The following RFT1 variants were observed in gnomAD, a reference collection of about 807,000 sequenced individuals.
RFT1 encodes man(5)GlcNAc(2)-PP-dolichol translocation protein RFT1.
A neutral mutation model predicts 62.2 loss-of-function variants in RFT1; 43 were observed. The observed-to-expected ratio is 0.69, with a 90% CI of 0.54 to 0.89. The LOEUF is 0.89. Ranked by LOEUF, RFT1 falls within the 40% of genes least tolerant of loss-of-function variation. The pLI is 0.00. For synonymous variants in RFT1, 262 were observed against 264.6 expected, an observed-to-expected ratio of 0.99 and a Z score of 0.10; for missense variants, 605 against 649.9, an observed-to-expected ratio of 0.93 and a Z score of 0.75.
intron 11 of RFT1, 37 bp from the exon 12 acceptor site, chr3:53,092,655 CTTGCCCTGG>C: frequency 6.3e-7 from 1 of 1,578,372 alleles, no homozygotes; most frequent in Non-Finnish European, 8.6e-7. Context: ...CAGTGGTGAC[CTTGCCCTGG>C]ACAAGGCTGC....
Position 53,110,976 on chromosome 3 carries a change from T to C in RFT1, c.775+854A>G, listed in dbSNP as rs1196917536. Among the ~76,000 whole-genome samples, 3 of 152,310 alleles carry C rather than the reference T, an allele frequency of 2.0e-5. No homozygotes were observed. The South Asian group carries it at 6.2e-4, about 32-fold the overall frequency. The stretch of plus-strand genomic sequence containing the variant: ...GCCCTCCACATTGAGAGCTCTGTCG[T>C]AGGTAAACTGAAAGGACCAAAGTCT... On this transcript the variant is annotated intron_variant, in intron 7 of 12. Coordinates refer to ENST00000296292, the MANE Select transcript of RFT1 (RefSeq NM_052859.4).
the RFT1 span, among the ~76,000 whole-genome samples, chr3:53,076,951 C>CA: frequency 0.032 from 2,878 of 90,152 alleles, 68 homozygotes; most frequent in African/African-American, 0.086. Flanking sequence ...GACCTCATCT[C>CA]AAAAAAAAAA....
intron 10 of RFT1, among the ~76,000 whole-genome samples, chr3:53,102,158 G>A (rs755289096): frequency 2.6e-5 from 4 of 152,160 alleles, no homozygotes; most frequent in African/African-American, 4.8e-5. Context: ...CCATGTGACC[G>A]CAGTACTGCA....
the RFT1 span, among the ~76,000 whole-genome samples, chr3:53,077,262 G>T: frequency 6.6e-6 from 1 of 152,208 alleles, no homozygotes; most frequent in African/African-American, 2.4e-5. Context: ...AGCAGAGCTG[G>T]AACCTACACT....
At chr3:53,102,229 G>A (rs1331073300) in intron 10 of RFT1, among the ~76,000 whole-genome samples, 1 of 152,196 alleles carries the variant, frequency 6.6e-6, no homozygotes, top group Non-Finnish European at 1.5e-5. Flanking sequence ...AGGTAGGAAG[G>A]GGCCTCTCCT....
intron 6 of RFT1, among the ~76,000 whole-genome samples, chr3:53,117,047 G>C (rs1701830329): frequency 6.6e-6 from 1 of 152,232 alleles, no homozygotes; most frequent in South Asian, 2.1e-4. Context: ...TCTAAAGCTA[G>C]TCCCCAGCAA....
chr3:53,093,342 C>T (rs757799658), intron 11 of RFT1, among the ~76,000 whole-genome samples: 1 of 152,200 alleles, frequency 6.6e-6, no homozygotes, highest in Admixed American at 6.5e-5. Context: ...TTGCACTTCT[C>T]TGATTTCAAA....
chr3:53,096,606 C>A (rs1434985314), intron 11 of RFT1, among the ~76,000 whole-genome samples: 1 of 152,006 alleles, frequency 6.6e-6, no homozygotes, highest in African/African-American at 2.4e-5. Context: ...TCACTTGAAC[C>A]TGGGAGGCGG....
chr3:53,073,652 G>C, the RFT1 span, among the ~76,000 whole-genome samples: 1 of 152,318 alleles, frequency 6.6e-6, no homozygotes. Context: ...GCTCTGTGCC[G>C]GGCGAAGAGG....
intron 11 of RFT1, among the ~76,000 whole-genome samples, chr3:53,092,858 A>T (rs1283466307): frequency 3.3e-5 from 5 of 152,240 alleles, no homozygotes; most frequent in Non-Finnish European, 7.3e-5. Context: ...TAGTTAGTTA[A>T]GCGATACTTT....
At chr3:53,102,830 T>G (rs1701356595) in intron 10 of RFT1, among the ~76,000 whole-genome samples, 1 of 152,194 alleles carries the variant, frequency 6.6e-6, no homozygotes, top group Non-Finnish European at 1.5e-5. Context: ...GGCTGAGTCA[T>G]GATAATGATG....
At chr3:53,113,390 TAGGATTTCAG>T (rs71714759) in intron 6 of RFT1, among the ~76,000 whole-genome samples, 39,851 of 151,960 alleles carry the variant, frequency 0.26, 5,572 homozygotes, top group Middle Eastern at 0.39. Context: ...TTCTCAATGG[TAGGATTTCAG>T]AGGGCTTTTT....
At chr3:53,121,286 T>A (rs1040409569) in intron 5 of RFT1, among the ~76,000 whole-genome samples, 1 of 151,810 alleles carries the variant, frequency 6.6e-6, no homozygotes, top group Non-Finnish European at 1.5e-5. Context: ...CTTGGCAGAG[T>A]TTCCACCTAT....
chr3:53,084,462 T>C (rs1376953745), downstream of RFT1, among the ~76,000 whole-genome samples: 1 of 152,190 alleles, frequency 6.6e-6, no homozygotes, highest in African/African-American at 2.4e-5. Context: ...CACTATTAGT[T>C]CCACATAATT....
At chr3:53,085,556 C>T (rs1001975284), downstream of RFT1, among the ~76,000 whole-genome samples, 1 of 152,220 alleles carries the variant, frequency 6.6e-6, no homozygotes, top group Non-Finnish European at 1.5e-5. Flanking sequence ...TAGGCAGCCA[C>T]CACTCTTGTG....
downstream of RFT1, among the ~76,000 whole-genome samples, chr3:53,084,496 GACATT>G (rs746137758): frequency 5.3e-5 from 8 of 152,176 alleles, no homozygotes; most frequent in Non-Finnish European, 7.3e-5. Context: ...GGATCTCCCA[GACATT>G]AACCAGAAAC....
intron 10 of RFT1, among the ~76,000 whole-genome samples, chr3:53,102,787 G>A (rs1306700223): frequency 2.6e-5 from 4 of 152,208 alleles, no homozygotes; most frequent in Admixed American, 6.5e-5. Context: ...GGACAGCAGT[G>A]TTGCGAGTTC....
At chr3:53,071,412 A>G in the RFT1 span, among the ~76,000 whole-genome samples, 3 of 152,168 alleles carry the variant, frequency 2.0e-5, no homozygotes, top group African/African-American at 7.2e-5. Flanking sequence ...TAGCTGGAGG[A>G]CAGGACTCTG....
chr3:53,098,878 T>C (rs1255618942), intron 11 of RFT1, among the ~76,000 whole-genome samples: 2 of 147,470 alleles, frequency 1.4e-5, no homozygotes, highest in Non-Finnish European at 3.0e-5. Flanking sequence ...GAGTCAAGAG[T>C]TGAGAAAAAA....
Sources: gnomAD v4.1 joint callset for allele counts (sites outside exome capture counted in the v4.1 genomes callset) on GRCh38, gnomAD v4.1.1 for gene constraint, MANE v1.5 for transcripts, NCBI Gene and HGNC (gene_info 2026-07-23, HGNC 2026-07-21) for gene names.